ALMS1: variants seen among roughly 807,000 people sequenced by gnomAD.
ALMS1 encodes ALMS1 centrosome and basal body associated protein, also known as centrosome-associated protein ALMS1.
In ALMS1, 271 loss-of-function variants were observed where a neutral mutation model predicts 352.2. The ratio of observed to expected loss-of-function variants is 0.77; its 90% confidence interval spans 0.70 to 0.85. ALMS1 has a LOEUF of 0.85. Ranked by LOEUF, ALMS1 falls within the 40% of genes least tolerant of loss-of-function variation. The probability of loss-of-function intolerance (pLI) is 0.00; values close to 1 mark genes in which losing one functional copy is unlikely to be tolerated. For synonymous variants in ALMS1, 1,865 were observed against 1,761.2 expected, an observed-to-expected ratio of 1.06 and a Z score of -1.48; for missense variants, 5,445 against 4,870.7, an observed-to-expected ratio of 1.12 and a Z score of -3.51.
chr2:73,599,378 C>T (rs534082545), intron 16 of ALMS1, 23 bp from the exon 17 acceptor site: 16 of 1,611,040 alleles, frequency 9.9e-6, no homozygotes, highest in African/African-American at 5.3e-5. Context: ...GTAATAATAA[C>T]AAGATCTCTT....
intron 16 of ALMS1, among the ~76,000 whole-genome samples, chr2:73,574,838 T>A (rs531688142): frequency 1.1e-4 from 16 of 152,282 alleles, no homozygotes; most frequent in African/African-American, 3.8e-4. Flanking sequence ...ATATTCACAG[T>A]GTTTTACAAC....
chr2:73,586,249 G>C (rs1485136334), intron 16 of ALMS1, among the ~76,000 whole-genome samples: 1 of 152,006 alleles, frequency 6.6e-6, no homozygotes, highest in Non-Finnish European at 1.5e-5. Context: ...CTTTTGATGT[G>C]CAGGGCCCAT....
intron 1 of ALMS1, among the ~76,000 whole-genome samples, chr2:73,393,503 A>G (rs1296799417): frequency 6.6e-6 from 1 of 152,006 alleles, no homozygotes; most frequent in Non-Finnish European, 1.5e-5. Context: ...TGTATCCATC[A>G]CTGGAGTAGC....
intron 13 of ALMS1, among the ~76,000 whole-genome samples, chr2:73,552,219 G>T (rs754451698): frequency 6.6e-6 from 1 of 151,960 alleles, no homozygotes. Context: ...AGATAATTTC[G>T]TTCTACTTCA....
At chr2:73,395,981 A>C (rs1670752180) in intron 1 of ALMS1, among the ~76,000 whole-genome samples, 1 of 152,170 alleles carries the variant, frequency 6.6e-6, no homozygotes, top group African/African-American at 2.4e-5. Context: ...AATTGCAAAA[A>C]TATAATGTTT....
chr2:73,554,299 G>A (rs1324657038), intron 13 of ALMS1, among the ~76,000 whole-genome samples: 1 of 151,766 alleles, frequency 6.6e-6, no homozygotes, highest in Non-Finnish European at 1.5e-5. Flanking sequence ...AAATATACCA[G>A]GAAAGATAAA....
At chr2:73,562,280 C>T (rs1674679995) in intron 15 of ALMS1, among the ~76,000 whole-genome samples, 1 of 152,096 alleles carries the variant, frequency 6.6e-6, no homozygotes, top group South Asian at 2.1e-4. Context: ...ATCTTCCCAC[C>T]TCAGCCTGTA....
chr2:73,526,889 A>G (rs951636307), intron 11 of ALMS1, among the ~76,000 whole-genome samples: 29 of 152,182 alleles, frequency 1.9e-4, no homozygotes, highest in African/African-American at 7.0e-4. Flanking sequence ...CCCATTCAGT[A>G]TGATACTAGC....
intron 16 of ALMS1, among the ~76,000 whole-genome samples, chr2:73,593,065 C>T (rs1675464906): frequency 6.7e-6 from 1 of 149,806 alleles, no homozygotes; most frequent in Non-Finnish European, 1.5e-5. Flanking sequence ...TTGCAGAGGA[C>T]TCAGTGGGCT....
At chr2:73,547,453 T>A (rs1402475232) in intron 12 of ALMS1, among the ~76,000 whole-genome samples, 1 of 152,202 alleles carries the variant, frequency 6.6e-6, no homozygotes, top group Admixed American at 6.5e-5. Context: ...CTGGTCCATT[T>A]TGGAACTTTC....
intron 2 of ALMS1, among the ~76,000 whole-genome samples, chr2:73,414,491 T>TTTTTTTTG (rs1671146128): frequency 6.8e-6 from 1 of 147,100 alleles, no homozygotes; most frequent in African/African-American, 2.5e-5. Flanking sequence ...TTTTTTTTGT[T>TTTTTTTTG]TTTTTTTTGC....
intron 11 of ALMS1, among the ~76,000 whole-genome samples, chr2:73,530,946 G>A (rs1673897413): frequency 6.6e-6 from 1 of 152,258 alleles, no homozygotes; most frequent in African/African-American, 2.4e-5. Flanking sequence ...GCTGTACAGA[G>A]CAGCTGGGCC....
intron 9 of ALMS1, among the ~76,000 whole-genome samples, chr2:73,467,092 T>TTTCTATTTTG (rs1672370078): frequency 8.3e-6 from 1 of 120,256 alleles, no homozygotes; most frequent in Admixed American, 9.7e-5. Flanking sequence ...TAGGCAAAGG[T>TTTCTATTTTG]TTCTTAAACA....
At chr2:73,595,229 T>C (rs1354003774) in intron 16 of ALMS1, among the ~76,000 whole-genome samples, 1 of 152,170 alleles carries the variant, frequency 6.6e-6, no homozygotes, top group African/African-American at 2.4e-5. Flanking sequence ...CAGTTAACTT[T>C]TAGTAAATTT....
chr2:73,385,943 A>AGGAGGAGGAGGAG lies in ALMS1; in HGVS notation c.76_77insGAGGAGGAGGAGG (p.Glu26GlyfsTer105). The AGGAGGAGGAGGAG allele has an allele frequency of 2.7e-6, 2 of 735,602 alleles. No individual in the cohort carries two copies. The highest frequency in any genetic ancestry group is 3.4e-5 in the East Asian group (1 of 29,044). The allele number at this position is 735,602 out of a possible 1,614,324, so 45.6% of individuals were successfully genotyped here. On this transcript the variant is annotated frameshift_variant, in exon 1 of 23. Transcript: ENST00000613296. LOFTEE classifies it high-confidence loss of function. ...AGGAGGAGGAGGAGGAGGAGGAGGA[A>AGGAGGAGGAGGAG]GAGGAGGAGGCTGCAGCGGCGGCGG...
At chr2:73,410,098 C>T (rs1671047063) in intron 2 of ALMS1, among the ~76,000 whole-genome samples, 1 of 152,118 alleles carries the variant, frequency 6.6e-6, no homozygotes, top group Non-Finnish European at 1.5e-5. Flanking sequence ...CATTCATACA[C>T]ACCTCACAGG....
intron 11 of ALMS1, among the ~76,000 whole-genome samples, chr2:73,526,293 T>C (rs1315453888): frequency 1.3e-5 from 2 of 152,162 alleles, no homozygotes; most frequent in Non-Finnish European, 2.9e-5. Context: ...ATTTTAGGAT[T>C]TTTTCTATTT....
At chr2:73,553,675 T>C (rs932587799) in intron 13 of ALMS1, among the ~76,000 whole-genome samples, 1 of 152,200 alleles carries the variant, frequency 6.6e-6, no homozygotes, top group African/African-American at 2.4e-5. Context: ...AAATACTAAA[T>C]ATAAACTTAA....
chr2:73,390,375 C>G (rs915260366), intron 1 of ALMS1, among the ~76,000 whole-genome samples: 3 of 152,150 alleles, frequency 2.0e-5, no homozygotes, highest in African/African-American at 7.2e-5. Flanking sequence ...ACATTAATTT[C>G]ATCCAGTTTA....
Sources: allele counts gnomAD v4.1 joint callset (sites outside exome capture counted in the v4.1 genomes callset), GRCh38; gene constraint gnomAD v4.1.1; transcripts MANE v1.5; gene names NCBI Gene and HGNC (gene_info 2026-07-23, HGNC 2026-07-21).